Variants in CCAR1 observed in about 807,000 individuals in gnomAD.
CCAR1 encodes the protein cell division cycle and apoptosis regulator 1.
A neutral mutation model predicts 163.8 loss-of-function variants in CCAR1; 78 were observed. That is an observed-to-expected ratio of 0.48 (90% CI 0.40 to 0.57). The LOEUF (loss-of-function observed/expected upper bound fraction) is 0.57, where lower values mean the gene tolerates loss of function less well. Among genes scored for constraint, CCAR1 ranks in the 20% least tolerant of loss-of-function variants. The pLI is 0.00. For missense variants in CCAR1, 1,019 were observed against 1,365.2 expected (o/e 0.75, Z 4.00); for synonymous variants, 443 against 460.7 (o/e 0.96, Z 0.49).
chr10:68,791,226 A>G lies in CCAR1; in HGVS notation c.3413A>G (p.Asp1138Gly). 1.9e-6 allele frequency: 3 copies of G among 1,595,338 alleles called. No individual in the cohort carries two copies. Among genetic ancestry groups the G allele is most frequent in the Non-Finnish European group, 2.6e-6 (3 of 1,165,026 alleles). Residue 1138 changes from aspartate (D) to glycine (G), a missense_variant, in exon 25 of 25, where the codon GAC becomes GGC. Coordinates refer to ENST00000265872, the MANE Select transcript of CCAR1 (RefSeq NM_018237.4). ...VLKKDNVKNE[D>G]KDQKSKENGA... ...TTATAGGATAATGTAAAGAATGAAG[A>G]CAAAGATCAAAAATCCAAGGAGAAT... is the stretch of plus-strand genomic sequence containing the variant.
At chr10:68,747,349 T>G in intron 7 of CCAR1, 25 bp from the exon 8 acceptor site, 1 of 1,603,788 alleles carries the variant, frequency 6.2e-7, no homozygotes. Context: ...ATTTTTTTTC[T>G]TATTCTTTCA....
intron 2 of CCAR1, among the ~76,000 whole-genome samples, chr10:68,732,089 C>T (rs2056047300): frequency 6.6e-6 from 1 of 152,182 alleles, no homozygotes; most frequent in African/African-American, 2.4e-5. Context: ...ACTGTCAATA[C>T]TTCCCAGGGT....
chr10:68,775,497 C>CTTTTTTTTTTTTTTT (rs58856212), intron 19 of CCAR1, among the ~76,000 whole-genome samples: 17 of 117,960 alleles, frequency 1.4e-4, no homozygotes, highest in Non-Finnish European at 1.9e-4. Flanking sequence ...GCCTCATTTT[C>CTTTTTTTTTTTTTTT]TTTTTTTTTT....
rs1564531335 is a variant in CCAR1, at chr10:68,737,838, C to T, written c.247-7C>T. Reference sequence around the variant, plus strand: ...TTTCTTTGAAAAATTTTTTTTTAATCTTTCAGCAATATTCACAACCTCAGC... The same window carrying T: ...TTTCTTTGAAAAATTTTTTTTTAATTTTTCAGCAATATTCACAACCTCAGC... On this transcript the variant is annotated splice_region_variant and splice_polypyrimidine_tract_variant and intron_variant, in intron 3 of 24. Coordinates refer to ENST00000265872, the MANE Select transcript of CCAR1 (RefSeq NM_018237.4). The T allele has an allele frequency of 3.2e-6, 5 of 1,568,722 alleles. No homozygotes were observed. Among genetic ancestry groups the T allele is most frequent in the Middle Eastern group, 1.7e-4 (1 of 5,950 alleles).
chr10:68,762,620 C>T (rs1358436145), intron 16 of CCAR1, among the ~76,000 whole-genome samples: 1 of 152,192 alleles, frequency 6.6e-6, no homozygotes, highest in Non-Finnish European at 1.5e-5. Flanking sequence ...GCCACATAAT[C>T]AGTTTCTAAA....
At chr10:68,744,082 A>C (rs550960074) in intron 6 of CCAR1, among the ~76,000 whole-genome samples, 1 of 152,038 alleles carries the variant, frequency 6.6e-6, no homozygotes, top group Non-Finnish European at 1.5e-5. Flanking sequence ...ACAGGGTTTC[A>C]CCATGTTGGC....
intron 19 of CCAR1, among the ~76,000 whole-genome samples, chr10:68,783,285 G>C (rs1241144722): frequency 6.6e-6 from 1 of 151,962 alleles, no homozygotes; most frequent in Non-Finnish European, 1.5e-5. Flanking sequence ...CGCCTCCCAG[G>C]TTCATGCCAT....
Position 68,737,998 on chromosome 10 carries a change from A to G in CCAR1, c.291+109A>G, listed in dbSNP as rs73264527. On this transcript the variant is annotated intron_variant, in intron 4 of 24. Coordinates refer to ENST00000265872, the MANE Select transcript of CCAR1 (RefSeq NM_018237.4). ...ATCAGCTACCTTAACATGTGATACA[A>G]ATTTTTTGGGAGGGGCTAGAGTAAA... is the stretch of plus-strand genomic sequence containing the variant. 1.6e-4 allele frequency: 121 copies of G among 741,184 alleles called. No individual in the cohort carries two copies. In the African/African-American group the frequency reaches 1.9e-3, roughly 11 times the overall value. 45.9% of individuals were successfully genotyped at this position (741,184 alleles called of 1,614,324 possible). A position where few individuals can be genotyped will look rare whatever the true frequency, so the allele number is the denominator to read the frequency against.
At chr10:68,780,264 T>A (rs898099754) in intron 19 of CCAR1, among the ~76,000 whole-genome samples, 4 of 152,182 alleles carry the variant, frequency 2.6e-5, no homozygotes. Flanking sequence ...AGCACGCTCG[T>A]GGCTCACTGC....
At chr10:68,755,710 G>A (rs2056390577) in intron 13 of CCAR1, among the ~76,000 whole-genome samples, 174 bp downstream of exon 13, 1 of 152,132 alleles carries the variant, frequency 6.6e-6, no homozygotes, top group Admixed American at 6.6e-5. Flanking sequence ...AATGTTTTGG[G>A]GGAAAAGGGA....
chr10:68,777,753 G>A (rs183657150), intron 19 of CCAR1, among the ~76,000 whole-genome samples: 1 of 151,274 alleles, frequency 6.6e-6, no homozygotes, highest in Admixed American at 6.6e-5. Context: ...GCAACATGAC[G>A]ACACCGTGTC....
rs71474438 is a variant in CCAR1 at position 68,747,145 on chromosome 10, C to CT, written c.519-5dup. On this transcript the variant is annotated splice_polypyrimidine_tract_variant and intron_variant, in intron 6 of 24. Coordinates refer to ENST00000265872, the MANE Select transcript of CCAR1 (RefSeq NM_018237.4). Reference sequence around the variant, plus strand: ...TGTATTTATATTTAACTTTTTTTTTCTTTTTTTTTTTACAGTGCTGTCAAA... The same window carrying CT: ...TGTATTTATATTTAACTTTTTTTTTCTTTTTTTTTTTTACAGTGCTGTCAAA... 0.16 allele frequency: 166,338 copies of CT among 1,040,360 alleles called. 1,912 individuals are homozygous for CT. Among genetic ancestry groups the CT allele is most frequent in the South Asian group, 0.19 (10,816 of 56,892 alleles). 64.4% of individuals were successfully genotyped at this position (1,040,360 alleles called of 1,614,324 possible).
intron 4 of CCAR1, among the ~76,000 whole-genome samples, chr10:68,738,867 T>G (rs2056147497): frequency 6.6e-6 from 1 of 152,078 alleles, no homozygotes; most frequent in South Asian, 2.1e-4. Context: ...GCCAATATGG[T>G]AAAACCCTCT....
At chr10:68,742,615 A>T in intron 6 of CCAR1, 46 bp downstream of exon 6, 1 of 1,411,082 alleles carries the variant, frequency 7.1e-7, no homozygotes, top group Non-Finnish European at 1.0e-6. Flanking sequence ...CATTTACCAC[A>T]AAACACCTGT....
At chr10:68,773,849 A>G (rs757053375) in intron 19 of CCAR1, among the ~76,000 whole-genome samples, 2 of 151,806 alleles carry the variant, frequency 1.3e-5, no homozygotes, top group Non-Finnish European at 2.9e-5. Context: ...AGTAACTGGG[A>G]CTACAGGTGC....
At position 68,736,897 on chromosome 10, in the gene CCAR1, C is replaced by T; in HGVS notation, c.95C>T (p.Pro32Leu). Residue 32 changes from proline (P) to leucine (L), a missense_variant, in exon 3 of 25, where the codon CCA becomes CTA. Physicochemically the swap from Pro to Leu is moderately conservative, Grantham distance 98. This residue lies in a region of CCAR1 where 644 missense variants were observed against 904.4 expected (regional missense o/e 0.71). Transcript: ENST00000265872. ...SQPAALGVQQ[P>L]SLLGASPTIY... ...TTAGCTGCACTGGGTGTTCAACAGC[C>T]ATCACTCCTTGGAGCATCTCCTACC... 2 of 1,611,684 alleles carry T rather than the reference C, an allele frequency of 1.2e-6. No individual in the cohort carries two copies. The highest frequency in any genetic ancestry group is 1.7e-6 in the Non-Finnish European group (2 of 1,179,022).
chr10:68,761,101 T>C lies in CCAR1; in HGVS notation c.2015T>C (p.Val672Ala), dbSNP rs746245173. ...GCCCGATTGACAAAACAGCTTAAAGTAGAGGAACAAAAAGAAGAACAGAAG... is the reference window on the plus strand; with the variant it reads ...GCCCGATTGACAAAACAGCTTAAAGCAGAGGAACAAAAAGAAGAACAGAAG... ...LIARLTKQLK[V>A]EEQKEEQKEL... Residue 672 changes from valine to alanine, a missense_variant, in exon 16 of 25, where the codon GTA (valine) becomes GCA (alanine). This residue lies in a region of CCAR1 where 644 missense variants were observed against 904.4 expected (regional missense o/e 0.71). Transcript: ENST00000265872. 1.2e-6 allele frequency: 2 copies of C among 1,609,442 alleles called. No individual in the cohort carries two copies. Among genetic ancestry groups the C allele is most frequent in the African/African-American group, 1.3e-5 (1 of 74,284 alleles).
intron 2 of CCAR1, among the ~76,000 whole-genome samples, chr10:68,733,788 C>T (rs1018011762): frequency 7.9e-5 from 12 of 152,152 alleles, no homozygotes; most frequent in South Asian, 6.2e-4. Context: ...CTCAGCCTCC[C>T]GAATAGCTGG....
chr10:68,782,665 T>C (rs887566477), intron 19 of CCAR1, among the ~76,000 whole-genome samples: 62 of 152,318 alleles, frequency 4.1e-4, no homozygotes, highest in African/African-American at 1.4e-3. Context: ...AGTACTCATT[T>C]ACCATTCCAA....
Sources: gnomAD v4.1 joint callset for allele counts (sites outside exome capture counted in the v4.1 genomes callset) on GRCh38, gnomAD v4.1.1 for gene constraint, gnomAD v4.1.1 regional missense constraint, MANE v1.5 for transcripts, NCBI Gene and HGNC (gene_info 2026-07-23, HGNC 2026-07-21) for gene names.